The following MAP6D1 variants were observed in gnomAD, a reference collection of about 807,000 sequenced individuals.
The protein encoded by MAP6D1 is MAP6 domain containing 1.
In MAP6D1, 13 loss-of-function variants were observed where a neutral mutation model predicts 17.4. The ratio of observed to expected loss-of-function variants is 0.75; its 90% CI spans 0.49 to 1.19. MAP6D1 has a LOEUF of 1.19. Among genes scored for constraint, MAP6D1 ranks in the 50% most tolerant of loss-of-function variants. The pLI is 0.00. For missense variants in MAP6D1, 313 were observed against 312.6 expected, an observed-to-expected ratio of 1.00 and a Z score of -0.01; for synonymous variants, 141 against 145.7, an observed-to-expected ratio of 0.97 and a Z score of 0.23.
chr3:183,824,013 T>A (rs1727316258), intron 1 of MAP6D1, among the ~76,000 whole-genome samples: 1 of 152,236 alleles, frequency 6.6e-6, no homozygotes, highest in South Asian at 2.1e-4. Context: ...ATAGCCTACG[T>A]GCTGCTGGGC....
At position 183,818,017 on chromosome 3, in the gene MAP6D1, T is replaced by C. The variant is rs760250180; in HGVS notation, c.496A>G (p.Ser166Gly). 7 of 1,614,052 alleles carry C rather than the reference T, an allele frequency of 4.3e-6. No individual in the cohort carries two copies. Among genetic ancestry groups the C allele is most frequent in the Non-Finnish European group, 5.9e-6 (7 of 1,179,996 alleles). ...VITTHTSGWDSSPGAGFQVPE... is the reference protein window; with the variant it reads ...VITTHTSGWDGSPGAGFQVPE... ...ACCTGGAAGCCGGCCCCAGGGCTGCTGTCCCATCCCGAAGTGTGGGTTGTG... is the reference window on the plus strand; with the variant it reads ...ACCTGGAAGCCGGCCCCAGGGCTGCCGTCCCATCCCGAAGTGTGGGTTGTG... Residue 166 changes from serine to glycine, a missense_variant, in exon 2 of 3, where the codon AGC becomes GGC. Transcript: ENST00000318631.
At chr3:183,820,863 C>T (rs995868061) in intron 1 of MAP6D1, among the ~76,000 whole-genome samples, 20 of 151,662 alleles carry the variant, frequency 1.3e-4, no homozygotes, top group Admixed American at 5.9e-4. Context: ...GCCAAGGTTG[C>T]GCCACTGCAC....
chr3:183,819,712 G>C (rs150455040), intron 1 of MAP6D1, among the ~76,000 whole-genome samples: 4 of 152,352 alleles, frequency 2.6e-5, no homozygotes, highest in African/African-American at 9.6e-5. Flanking sequence ...CCGGACAGAG[G>C]ATTGGGAGGC....
At chr3:183,820,765 G>A (rs1313216118) in intron 1 of MAP6D1, among the ~76,000 whole-genome samples, 2 of 152,176 alleles carry the variant, frequency 1.3e-5, no homozygotes, top group Non-Finnish European at 2.9e-5. Flanking sequence ...AAATTAGCCA[G>A]GCATGGTGGC....
At chr3:183,818,451 G>A (rs1286955982) in intron 1 of MAP6D1, among the ~76,000 whole-genome samples, 1 of 152,200 alleles carries the variant, frequency 6.6e-6, no homozygotes, top group African/African-American at 2.4e-5. Flanking sequence ...TAGCACCTGG[G>A]TCTCATTCAG....
rs1364379567 is a variant in MAP6D1 at position 183,825,300 on chromosome 3, T to C, written c.248A>G (p.Lys83Arg). 7 of 1,338,068 alleles carry C rather than the reference T, an allele frequency of 5.2e-6. No individual in the cohort carries two copies. Among genetic ancestry groups the C allele is most frequent in the African/African-American group, 3.1e-5 (2 of 64,702 alleles). The allele number at this position is 1,338,068 out of a possible 1,614,324, so 82.9% of individuals were successfully genotyped here. The stretch of plus-strand genomic sequence containing the variant: ...CGGTCCGCGCCCCGGCGGCGGATCC[T>C]TGGGCCCGGCGGGCGTGGTCCACAA... Reference protein sequence around the residue: ...FGLWTTPAGPKDPPPGRGPGA... With the variant: ...FGLWTTPAGPRDPPPGRGPGA... The change falls in exon 1 of 3, where the codon AAG (lysine) becomes AGG (arginine). Residue 83 changes from lysine to arginine, a missense_variant. Coordinates refer to ENST00000318631, the MANE Select transcript of MAP6D1 (RefSeq NM_024871.4).
intron 1 of MAP6D1, 77 bp from the exon 2 acceptor site, chr3:183,818,188 G>A: frequency 8.2e-7 from 1 of 1,225,252 alleles, no homozygotes; most frequent in East Asian, 2.3e-5. Context: ...CTGCTGCTCT[G>A]CCCCATGCAC....
rs142876112 is a variant in MAP6D1, at chr3:183,821,699, T to C, written c.401+3448A>G. ...TAGCTGGGATTACAGGTGCGTGCCA[T>C]CACGCCCAGCTAATTTTTAGTAGAG... On this transcript the variant is annotated intron_variant, in intron 1 of 2. Coordinates refer to ENST00000318631, the MANE Select transcript of MAP6D1 (RefSeq NM_024871.4). 9.0e-3 allele frequency among the ~76,000 whole-genome samples: 1,375 copies of C among 152,078 alleles called. 12 individuals carry two copies. The highest frequency in any genetic ancestry group is 0.045 in the Middle Eastern group (13 of 292).
intron 1 of MAP6D1, among the ~76,000 whole-genome samples, chr3:183,818,926 T>A (rs1330206175): frequency 6.6e-6 from 1 of 152,152 alleles, no homozygotes; most frequent in African/African-American, 2.4e-5. Flanking sequence ...GCTTTCTCCA[T>A]GAAAAGACAG....
chr3:183,824,290 AG>A (rs1431723629), intron 1 of MAP6D1, among the ~76,000 whole-genome samples: 1 of 152,248 alleles, frequency 6.6e-6, no homozygotes, highest in Non-Finnish European at 1.5e-5. Flanking sequence ...GTCAATGGTA[AG>A]GAAGTAGATA....
intron 1 of MAP6D1, among the ~76,000 whole-genome samples, chr3:183,819,821 C>T (rs780796110): frequency 4.6e-5 from 7 of 152,240 alleles, no homozygotes; most frequent in Non-Finnish European, 7.3e-5. Context: ...GTGCCTGAGG[C>T]TGTTGTGAGT....
At position 183,816,213 on chromosome 3, in the gene MAP6D1, G is replaced by A. The variant is rs1727099110; in HGVS notation, c.*1143C>T. The A allele has an allele frequency of 6.6e-6, 1 of 152,218 alleles. No homozygotes were observed. Among genetic ancestry groups the A allele is most frequent in the Admixed American group, 6.5e-5 (1 of 15,288 alleles). 9.4% of individuals were successfully genotyped at this position (152,218 alleles called of 1,614,324 possible). ...CCACTGTCCCACCTGCACGTCTGGT[G>A]GCTCTGAGACCCGAGTGCCACCACC... is the stretch of plus-strand genomic sequence containing the variant. On this transcript the variant is annotated 3_prime_UTR_variant, in exon 3 of 3. Coordinates refer to ENST00000318631, the MANE Select transcript of MAP6D1 (RefSeq NM_024871.4).
intron 1 of MAP6D1, among the ~76,000 whole-genome samples, chr3:183,824,479 CG>C (rs1560357105): frequency 1.3e-5 from 2 of 152,186 alleles, no homozygotes; most frequent in Non-Finnish European, 2.9e-5. Flanking sequence ...ATGCACATTA[CG>C]GAGTAGAAAG....
chr3:183,825,033 G>A (rs1194873953), intron 1 of MAP6D1, 114 bp downstream of exon 1: 2 of 1,138,988 alleles, frequency 1.8e-6, no homozygotes, highest in Admixed American at 4.3e-5. Context: ...GGTCGCGTGG[G>A]ATCCGGGCTC....
intron 1 of MAP6D1, chr3:183,820,531 C>T (rs1354878147): frequency 6.6e-6 from 1 of 152,148 alleles, no homozygotes; most frequent in East Asian, 1.9e-4. Flanking sequence ...TTTGGGAGGG[C>T]AAGGCGGGCA....
intron 1 of MAP6D1, among the ~76,000 whole-genome samples, chr3:183,820,963 T>A (rs180710509): frequency 7.8e-6 from 1 of 128,740 alleles, no homozygotes; most frequent in Non-Finnish European, 1.7e-5. Context: ...GGTGTGGTGG[T>A]GGGCGCCTGT....
Position 183,816,495 on chromosome 3 carries a change from C to T in MAP6D1, c.*861G>A, listed in dbSNP as rs1333557823. On this transcript the variant is annotated 3_prime_UTR_variant, in exon 3 of 3. Coordinates refer to ENST00000318631, the MANE Select transcript of MAP6D1 (RefSeq NM_024871.4). ...CTGCCTCTTCAAAAGGTGGTGAGTT[C>T]CCCGTCACTGTACATGTGAGCAGGG... The T allele has an allele frequency of 2.0e-5, 3 of 152,206 alleles. No individual in the cohort carries two copies. Among genetic ancestry groups the T allele is most frequent in the Non-Finnish European group, 4.4e-5 (3 of 68,064 alleles). The allele number at this position is 152,206 out of a possible 1,614,324, so 9.4% of individuals were successfully genotyped here. A position where few individuals can be genotyped will look rare whatever the true frequency, so the allele number is the denominator to read the frequency against.
Position 183,817,070 on chromosome 3 carries a change from A to C in MAP6D1, c.*286T>G. 1 of 433,582 alleles carries C rather than the reference A, an allele frequency of 2.3e-6. No individual in the cohort carries two copies. Among genetic ancestry groups the C allele is most frequent in the African/African-American group, 2.0e-5 (1 of 49,320 alleles). The allele number at this position is 433,582 out of a possible 1,614,324, so 26.9% of individuals were successfully genotyped here. On this transcript the variant is annotated 3_prime_UTR_variant, in exon 3 of 3. Transcript: ENST00000318631. ...TCGGTTCCCAACTGACTTGATCCTC[A>C]GGCTCCTCAGAGATTTCAAAACTGA... is the stretch of plus-strand genomic sequence containing the variant.
Position 183,825,540 on chromosome 3 carries a change from C to A in MAP6D1, c.8G>T (p.Trp3Leu). The A allele has an allele frequency of 8.0e-7, 1 of 1,246,932 alleles. No individual in the cohort carries two copies. Among genetic ancestry groups the A allele is most frequent in the Non-Finnish European group, 1.0e-6 (1 of 997,206 alleles). The allele number at this position is 1,246,932 out of a possible 1,614,324, so 77.2% of individuals were successfully genotyped here. Residue 3 changes from tryptophan (W) to leucine (L), a missense_variant, in exon 1 of 3, where the codon TGG becomes TTG. Trp to Leu is a moderately conservative substitution (Grantham distance 61). Coordinates refer to ENST00000318631, the MANE Select transcript of MAP6D1 (RefSeq NM_024871.4). ...GCAGCACAGGCGGCTGATACAGGGC[C>A]ACGCCATGCCAGCCCCGGCGCCCGC... MA[W>L]PCISRLCCLA...
Sources: allele counts gnomAD v4.1 joint callset (sites outside exome capture counted in the v4.1 genomes callset), GRCh38; gene constraint gnomAD v4.1.1; transcripts MANE v1.5; gene names NCBI Gene and HGNC (gene_info 2026-07-23, HGNC 2026-07-21).